TSPAN15: variants seen among roughly 807,000 people sequenced by gnomAD.
The protein encoded by TSPAN15 is tetraspanin-15.
In TSPAN15, 20 loss-of-function variants were observed where a neutral mutation model predicts 34.5. The ratio of observed to expected loss-of-function variants is 0.58; its 90% confidence interval spans 0.41 to 0.84. TSPAN15 has a LOEUF of 0.84. TSPAN15 is among the 40% of genes least tolerant of loss of function. The pLI is 0.00. For missense variants in TSPAN15, 313 were observed against 386.1 expected, an observed-to-expected ratio of 0.81 and a Z score of 1.59; for synonymous variants, 155 against 153.9, an observed-to-expected ratio of 1.01 and a Z score of -0.05.
intron 1 of TSPAN15, among the ~76,000 whole-genome samples, chr10:69,455,992 G>A (rs750184202): frequency 2.0e-5 from 3 of 151,900 alleles, no homozygotes; most frequent in Non-Finnish European, 2.9e-5. Flanking sequence ...GCCTGTTTTT[G>A]TATGTGCATT....
chr10:69,485,269 G>A (rs751184679), intron 3 of TSPAN15, 54 bp downstream of exon 3: 10 of 1,543,064 alleles, frequency 6.5e-6, no homozygotes, highest in African/African-American at 2.7e-5. Context: ...CCCACTGTGG[G>A]TGCCTTGGGC....
chr10:69,517,605 G>C, the TSPAN15 span, among the ~76,000 whole-genome samples: 122 of 152,308 alleles, frequency 8.0e-4, no homozygotes, highest in African/African-American at 2.9e-3. Context: ...CAGGACACAG[G>C]TTCCACCACA....
chr10:69,539,528 A>G, the TSPAN15 span, among the ~76,000 whole-genome samples: 67 of 106,540 alleles, frequency 6.3e-4, 2 homozygotes, highest in African/African-American at 2.3e-3. Context: ...AAGAAGAAGA[A>G]GAAGAAGAAG....
intron 1 of TSPAN15, among the ~76,000 whole-genome samples, chr10:69,452,257 C>T (rs1184701189): frequency 1.3e-5 from 2 of 152,240 alleles, no homozygotes; most frequent in Non-Finnish European, 2.9e-5. Flanking sequence ...TGCTCAGTTT[C>T]CGCTGTCGCT....
chr10:69,475,815 G>A (rs1188069439), intron 1 of TSPAN15, among the ~76,000 whole-genome samples: 1 of 152,144 alleles, frequency 6.6e-6, no homozygotes, highest in African/African-American at 2.4e-5. Context: ...ATGAACCCAA[G>A]ACGTTAGATG....
intron 1 of TSPAN15, among the ~76,000 whole-genome samples, chr10:69,483,020 G>A (rs1025043096): frequency 2.0e-5 from 3 of 151,732 alleles, no homozygotes; most frequent in Admixed American, 2.0e-4. Flanking sequence ...ACCGAGTCTC[G>A]CTCTGTTGCC....
At chr10:69,464,223 C>T (rs561852949) in intron 1 of TSPAN15, among the ~76,000 whole-genome samples, 1 of 152,370 alleles carries the variant, frequency 6.6e-6, no homozygotes, top group South Asian at 2.1e-4. Flanking sequence ...TGTTTTAAGC[C>T]ACCCCATTTG....
the TSPAN15 span, among the ~76,000 whole-genome samples, chr10:69,516,681 C>T: frequency 6.6e-6 from 1 of 152,198 alleles, no homozygotes; most frequent in African/African-American, 2.4e-5. Flanking sequence ...ACCCACCCCT[C>T]CCCCAGCACT....
intron 1 of TSPAN15, among the ~76,000 whole-genome samples, chr10:69,454,472 C>T (rs191424480): frequency 6.3e-4 from 95 of 151,934 alleles, no homozygotes; most frequent in African/African-American, 1.8e-3. Context: ...GAGCTGACAT[C>T]GTGCCACGGC....
At chr10:69,534,335 A>G in the TSPAN15 span, among the ~76,000 whole-genome samples, 1 of 152,326 alleles carries the variant, frequency 6.6e-6, no homozygotes, top group East Asian at 1.9e-4. Context: ...TCAGACAACC[A>G]GAAAGAATAG....
the TSPAN15 span, among the ~76,000 whole-genome samples, chr10:69,521,977 C>G: frequency 6.8e-6 from 1 of 147,712 alleles, no homozygotes; most frequent in Non-Finnish European, 1.5e-5. Context: ...AGTGGTATGT[C>G]CTAGTTTTGA....
rs548224032 is a variant in TSPAN15 at position 69,500,420 on chromosome 10, AAG to A, written c.570+2029_570+2030del. ...AGAACAGACTAATACAGCAAGAGGA[AAG>A]AGAGGGATTGATTGATGATAAGGAA... is the stretch of plus-strand genomic sequence containing the variant. On this transcript the variant is annotated intron_variant, in intron 5 of 7. Transcript: ENST00000373290. Among the ~76,000 whole-genome samples the A allele has an allele frequency of 4.6e-5, 7 of 152,348 alleles. No individual in the cohort carries two copies. In the East Asian group the frequency reaches 7.7e-4, roughly 17 times the overall value.
intron 3 of TSPAN15, 43 bp from the exon 4 acceptor site, chr10:69,495,551 G>C (rs749006591): frequency 1.4e-6 from 2 of 1,457,194 alleles, no homozygotes; most frequent in Non-Finnish European, 1.9e-6. Context: ...TGGACTCCGG[G>C]AGTGTGTGGT....
intron 1 of TSPAN15, among the ~76,000 whole-genome samples, chr10:69,482,724 AG>A (rs1406488379): frequency 1.1e-4 from 14 of 126,918 alleles, no homozygotes; most frequent in African/African-American, 3.7e-4. Flanking sequence ...TGCCTGTCCA[AG>A]GCCCAGGGTT....
intron 1 of TSPAN15, among the ~76,000 whole-genome samples, chr10:69,466,292 A>C (rs1306477744): frequency 6.6e-6 from 1 of 151,942 alleles, no homozygotes; most frequent in African/African-American, 2.4e-5. Context: ...AGTGAGGGCT[A>C]ATTTGTGGTG....
chr10:69,483,714 T>C lies in TSPAN15; in HGVS notation c.120T>C (p.Ser40=), dbSNP rs148253354. The C allele has an allele frequency of 1.5e-5, 24 of 1,614,174 alleles. No homozygotes were observed. Among genetic ancestry groups the C allele is most frequent in the Non-Finnish European group, 1.9e-5 (23 of 1,179,994 alleles). The change falls in exon 2 of 8, where the codon TCT becomes TCC. Residue 40 remains serine, a synonymous_variant. Coordinates refer to ENST00000373290, the MANE Select transcript of TSPAN15 (RefSeq NM_012339.5). ...AGCTGATTGGGGCCCTGGTCCTGTC[T>C]GTGGGCATCTATGCAGAGGTTGAGC... is the stretch of plus-strand genomic sequence containing the variant. ...VFWLIGALVL[S]VGIYAEVERQ... is the part of the protein sequence containing the mutation.
the TSPAN15 span, among the ~76,000 whole-genome samples, chr10:69,544,503 G>A: frequency 3.3e-5 from 5 of 152,246 alleles, no homozygotes; most frequent in Admixed American, 6.5e-5. Context: ...CTCCCGCAGC[G>A]GTTCAAAAGC....
At chr10:69,454,336 G>A (rs1181949013) in intron 1 of TSPAN15, among the ~76,000 whole-genome samples, 4 of 152,088 alleles carry the variant, frequency 2.6e-5, no homozygotes, top group Admixed American at 2.6e-4. Flanking sequence ...TGGCTAACAT[G>A]GTGAAACCTC....
intron 3 of TSPAN15, among the ~76,000 whole-genome samples, chr10:69,489,084 C>T (rs1841915523): frequency 6.6e-6 from 1 of 152,170 alleles, no homozygotes; most frequent in Non-Finnish European, 1.5e-5. Context: ...GAGACACTCC[C>T]AGAGCGGCCG....
Sources: gnomAD v4.1 joint callset for allele counts (sites outside exome capture counted in the v4.1 genomes callset) on GRCh38, gnomAD v4.1.1 for gene constraint, MANE v1.5 for transcripts, NCBI Gene and HGNC (gene_info 2026-07-23, HGNC 2026-07-21) for gene names.